HPSE2: variants seen among roughly 807,000 people sequenced by gnomAD.
HPSE2 encodes the protein inactive heparanase-2.
HPSE2 carries 38 observed loss-of-function variants against 60.5 expected under a neutral mutation model. The ratio of observed to expected loss-of-function variants is 0.63; its 90% CI spans 0.48 to 0.82. The LOEUF (loss-of-function observed/expected upper bound fraction) is 0.82, where lower values mean the gene tolerates loss of function less well. Among genes scored for constraint, HPSE2 ranks in the 40% least tolerant of loss-of-function variants. The pLI is 0.00. For synonymous variants in HPSE2, 295 were observed against 293.2 expected (o/e 1.01, Z -0.06); for missense variants, 713 against 740.4 (o/e 0.96, Z 0.43).
intron 3 of HPSE2, among the ~76,000 whole-genome samples, chr10:99,125,040 G>A (rs1845110863): frequency 2.0e-5 from 3 of 152,218 alleles, no homozygotes; most frequent in Admixed American, 2.0e-4. Context: ...GAAGATAGTG[G>A]TATACAGTAA....
intron 3 of HPSE2, chr10:99,048,003 T>G (rs1236547667): frequency 1.4e-6 from 1 of 697,356 alleles, no homozygotes; most frequent in African/African-American, 1.8e-5. Context: ...AATGAAACCT[T>G]TGCGAAGCTC....
intron 3 of HPSE2, among the ~76,000 whole-genome samples, chr10:99,063,725 T>C (rs561268042): frequency 6.6e-6 from 1 of 152,328 alleles, no homozygotes; most frequent in Non-Finnish European, 1.5e-5. Flanking sequence ...TATTTATGCA[T>C]TTGTTACATA....
At chr10:98,515,531 TAA>T (rs910998132) in intron 9 of HPSE2, among the ~76,000 whole-genome samples, 3 of 152,168 alleles carry the variant, frequency 2.0e-5, no homozygotes, top group Admixed American at 1.3e-4. Context: ...GTGTGCAGAA[TAA>T]AAGCAGACTC....
At chr10:98,923,870 G>A (rs772408568) in intron 3 of HPSE2, among the ~76,000 whole-genome samples, 9 of 152,048 alleles carry the variant, frequency 5.9e-5, no homozygotes, top group East Asian at 1.9e-4. Context: ...TGTCTGAAAC[G>A]TCATATATAT....
At chr10:99,143,074 C>A (rs987441541) in intron 3 of HPSE2, among the ~76,000 whole-genome samples, 13 of 152,132 alleles carry the variant, frequency 8.5e-5, no homozygotes, top group Admixed American at 8.5e-4. Context: ...ATTTCACTAA[C>A]CAATTTAGGG....
rs1051721237 is a variant in HPSE2, at chr10:99,059,804, GAC to G, written c.610+84432_610+84433del. ...GACTACACATAGATAAAGATACCAG[GAC>G]ATAAGCTGATAGAGCTAATAAATAT... On this transcript the variant is annotated intron_variant, in intron 3 of 11. Coordinates refer to ENST00000370552, the MANE Select transcript of HPSE2 (RefSeq NM_021828.5). Among the ~76,000 whole-genome samples, 34 of 152,108 alleles carry G rather than the reference GAC, an allele frequency of 2.2e-4. 1 individual carries two copies. The highest frequency in any genetic ancestry group is 8.0e-4 in the African/African-American group (33 of 41,500).
intron 2 of HPSE2, among the ~76,000 whole-genome samples, chr10:99,151,810 G>C (rs760178985): frequency 3.3e-5 from 5 of 152,114 alleles, no homozygotes; most frequent in Admixed American, 1.3e-4. Flanking sequence ...CAGCTATTCA[G>C]GAAGCTGAAA....
At position 98,545,621 on chromosome 10, in the gene HPSE2, C is replaced by T. The variant is rs553598994; in HGVS notation, c.1321-55425G>A. On this transcript the variant is annotated intron_variant, in intron 9 of 11. Transcript: ENST00000370552. The stretch of plus-strand genomic sequence containing the variant: ...ATTCAACAACCCTTCATGCTAAAAA[C>T]GCTCAATAAATTAGGTATTGATGGG... Among the ~76,000 whole-genome samples, 464 of 152,258 alleles carry T rather than the reference C, an allele frequency of 3.0e-3. 2 individuals carry two copies. Among genetic ancestry groups the T allele is most frequent in the African/African-American group, 0.011 (443 of 41,548 alleles).
At chr10:98,855,748 G>A (rs1952298849) in intron 3 of HPSE2, among the ~76,000 whole-genome samples, 1 of 152,034 alleles carries the variant, frequency 6.6e-6, no homozygotes, top group South Asian at 2.1e-4. Flanking sequence ...AACAACATAG[G>A]CTGAACCCCT....
Position 98,510,868 on chromosome 10 carries a change from G to A in HPSE2, c.1321-20672C>T, listed in dbSNP as rs7070690. ...AGGCTGACTAAAGTATCACATGAGC[G>A]GGAACCACTTGTAGTACTTTGGGAA... On this transcript the variant is annotated intron_variant, in intron 9 of 11. Transcript: ENST00000370552. Among the ~76,000 whole-genome samples, 847 of 152,238 alleles carry A rather than the reference G, an allele frequency of 5.6e-3. 8 individuals carry two copies. The highest frequency in any genetic ancestry group is 0.02 in the African/African-American group (814 of 41,540).
At chr10:98,540,415 TG>T (rs1943422651) in intron 9 of HPSE2, among the ~76,000 whole-genome samples, 1 of 152,204 alleles carries the variant, frequency 6.6e-6, no homozygotes, top group African/African-American at 2.4e-5. Context: ...AAAGAGCCCA[TG>T]ACCGTGACCG....
At chr10:98,706,374 A>G (rs1194813917) in intron 5 of HPSE2, among the ~76,000 whole-genome samples, 2 of 152,186 alleles carry the variant, frequency 1.3e-5, no homozygotes, top group South Asian at 2.1e-4. Context: ...GAGCCCTTCA[A>G]TGCTTATTGT....
rs537940843 is a variant in HPSE2 at position 99,013,703 on chromosome 10, C to G, written c.610+130535G>C. 7 of 210,362 alleles carry G rather than the reference C, an allele frequency of 3.3e-5. No homozygotes were observed. In the East Asian group the frequency reaches 8.1e-4, roughly 24 times the overall value. 13.0% of individuals were successfully genotyped at this position (210,362 alleles called of 1,614,324 possible). ...GCTGGGCTGGTCTCAAACTCCTGAC[C>G]TCAGGTGATCCACCCACCTCAGCCT... On this transcript the variant is annotated intron_variant, in intron 3 of 11. Transcript: ENST00000370552.
At chr10:99,298,278 C>T in the HPSE2 span, among the ~76,000 whole-genome samples, 1 of 152,244 alleles carries the variant, frequency 6.6e-6, no homozygotes, top group Non-Finnish European at 1.5e-5. Flanking sequence ...TAACAGCCAC[C>T]TAACTGCCCA....
intron 3 of HPSE2, among the ~76,000 whole-genome samples, chr10:98,877,462 C>T: frequency 6.6e-6 from 1 of 151,800 alleles, no homozygotes; most frequent in East Asian, 1.9e-4. Flanking sequence ...GCTATCTTGA[C>T]ATTTTGTTTA....
chr10:98,763,620 T>C (rs1238968016), intron 3 of HPSE2, among the ~76,000 whole-genome samples: 5 of 152,044 alleles, frequency 3.3e-5, no homozygotes, highest in African/African-American at 1.2e-4. Context: ...CAAATATATA[T>C]TTTTCTGACG....
chr10:98,545,137 G>A (rs1316889286), intron 9 of HPSE2, among the ~76,000 whole-genome samples: 1 of 152,116 alleles, frequency 6.6e-6, no homozygotes. Context: ...ACCAATAACA[G>A]GATCTGAAAT....
intron 9 of HPSE2, among the ~76,000 whole-genome samples, chr10:98,610,120 C>T (rs150397210): frequency 0.012 from 1,899 of 152,222 alleles, 21 homozygotes; most frequent in Non-Finnish European, 0.017. Flanking sequence ...GGATTACAGG[C>T]GTGAGCCATT....
At chr10:98,474,052 C>T (rs1940897748) in intron 11 of HPSE2, among the ~76,000 whole-genome samples, 1 of 152,086 alleles carries the variant, frequency 6.6e-6, no homozygotes, top group Admixed American at 6.5e-5. Flanking sequence ...TAATGGAAAC[C>T]TGCAGGGAGT....
Sources: allele counts gnomAD v4.1 joint callset (sites outside exome capture counted in the v4.1 genomes callset), GRCh38; gene constraint gnomAD v4.1.1; transcripts MANE v1.5; gene names NCBI Gene and HGNC (gene_info 2026-07-23, HGNC 2026-07-21).